RCC1: variants seen among roughly 807,000 people sequenced by gnomAD.
The protein encoded by RCC1 is regulator of chromosome condensation.
Under a neutral mutation model 44.4 loss-of-function variants are expected in RCC1, and 11 were observed. The ratio of observed to expected loss-of-function variants is 0.25; its 90% CI spans 0.16 to 0.41. The LOEUF (loss-of-function observed/expected upper bound fraction) is 0.41, where lower values mean the gene tolerates loss of function less well. Among genes scored for constraint, RCC1 ranks in the 10% least tolerant of loss-of-function variants. The probability of loss-of-function intolerance (pLI) is 1.00; values close to 1 mark genes in which losing one functional copy is unlikely to be tolerated. For synonymous variants in RCC1, 213 were observed against 216.5 expected, an observed-to-expected ratio of 0.98 and a Z score of 0.14; for missense variants, 386 against 547.1, an observed-to-expected ratio of 0.71 and a Z score of 2.94.
chr1:28,526,557 T>C (rs1557874756), intron 4 of RCC1: 2 of 575,532 alleles, frequency 3.5e-6, no homozygotes, highest in Non-Finnish European at 6.6e-6. Context: ...TTCCTTAGCT[T>C]TGTCACTAGA....
rs749233845 is a variant in RCC1, at chr1:28,536,341, C to T, written c.897C>T (p.Phe299=). The T allele has an allele frequency of 2.2e-5, 36 of 1,614,194 alleles. No individual in the cohort carries two copies. The highest frequency in any genetic ancestry group is 3.1e-5 in the Non-Finnish European group (36 of 1,180,020). The change falls in exon 11 of 13, where the codon TTC becomes TTT. Residue 299 remains phenylalanine (F), a synonymous_variant. Coordinates refer to ENST00000683442, the MANE Select transcript of RCC1 (RefSeq NM_001381865.2). The surrounding 1 kb of genome is among the most constrained non-coding windows in gnomAD (Gnocchi z 4.9). ...FKNSTKSWVG[F]SGGQHHTVCM... ...ATTCCACCAAGTCCTGGGTGGGCTT[C>T]TCTGGTGGCCAGCACCATACAGTCT...
intron 4 of RCC1, chr1:28,526,481 C>T: frequency 1.8e-6 from 1 of 562,966 alleles, no homozygotes; most frequent in Non-Finnish European, 3.4e-6. Flanking sequence ...GTGTATTTAT[C>T]CAGGCAAGAC....
intron 4 of RCC1, among the ~76,000 whole-genome samples, chr1:28,528,492 G>T (rs1441591221): frequency 5.9e-5 from 9 of 152,178 alleles, no homozygotes; most frequent in African/African-American, 2.2e-4. Context: ...GCAGGGCATG[G>T]TGATGCACAC....
intron 4 of RCC1, among the ~76,000 whole-genome samples, chr1:28,528,552 C>T (rs983222893): frequency 6.6e-6 from 1 of 152,084 alleles, no homozygotes; most frequent in African/African-American, 2.4e-5. Context: ...TGCTTCAACC[C>T]GGGAGGTGGA....
intron 4 of RCC1, among the ~76,000 whole-genome samples, chr1:28,527,957 C>T (rs1313562385): frequency 6.9e-6 from 1 of 144,554 alleles, no homozygotes; most frequent in South Asian, 2.2e-4. Flanking sequence ...TGTGGTGAGC[C>T]GAGATTGCGC....
chr1:28,513,882 G>A (rs1401047513), intron 3 of RCC1, among the ~76,000 whole-genome samples: 3 of 152,016 alleles, frequency 2.0e-5, no homozygotes, highest in Non-Finnish European at 4.4e-5. Flanking sequence ...ACCATGCCCA[G>A]CCATATTATA....
intron 5 of RCC1, among the ~76,000 whole-genome samples, chr1:28,531,586 C>G (rs1442324253): frequency 6.6e-6 from 1 of 152,086 alleles, no homozygotes; most frequent in South Asian, 2.1e-4. Context: ...TCCCCTTTCA[C>G]GTGAATAATG....
chr1:28,528,834 GT>G (rs1663881499), intron 4 of RCC1, among the ~76,000 whole-genome samples: 1 of 118,434 alleles, frequency 8.4e-6, no homozygotes, highest in African/African-American at 3.2e-5. Flanking sequence ...ATGATAGGCT[GT>G]TTTTCTTCCT....
chr1:28,528,023 A>AC (rs1663795565), intron 4 of RCC1, among the ~76,000 whole-genome samples: 1 of 150,436 alleles, frequency 6.6e-6, no homozygotes, highest in Admixed American at 6.6e-5. Flanking sequence ...AAAAAAAAAA[A>AC]AAAAACATGT....
intron 4 of RCC1, among the ~76,000 whole-genome samples, chr1:28,523,483 G>A (rs559080274): frequency 6.6e-6 from 1 of 152,054 alleles, no homozygotes; most frequent in Non-Finnish European, 1.5e-5. Context: ...GTAGTGAAAC[G>A]CTCCAGAATA....
In RCC1 at chr1:28,506,057, G is replaced by A; in HGVS notation, c.-289G>A. The A allele has an allele frequency of 2.2e-6, 1 of 456,068 alleles. No individual in the cohort carries two copies. The highest frequency in any genetic ancestry group is 1.5e-5 in the South Asian group (1 of 64,566). The allele number at this position is 456,068 out of a possible 1,614,324, so 28.3% of individuals were successfully genotyped here. On this transcript the variant is annotated 5_prime_UTR_variant, in exon 1 of 13. Coordinates refer to ENST00000683442, the MANE Select transcript of RCC1 (RefSeq NM_001381865.2). ...GTTTTCTCTCTCCTTTTTGGAGACA[G>A]ATTCGCAGTGGTCGCTTCTTCTCCT...
rs1664701108 is a variant in RCC1, at chr1:28,538,580, A to C, written c.*573A>C. 6.6e-6 allele frequency: 1 copy of C among 152,306 alleles called. No individual in the cohort carries two copies. Among genetic ancestry groups the C allele is most frequent in the South Asian group, 2.1e-4 (1 of 4,836 alleles). The allele number at this position is 152,306 out of a possible 1,614,324, so 9.4% of individuals were successfully genotyped here. A position where few individuals can be genotyped will look rare whatever the true frequency, so the allele number is the denominator to read the frequency against. The stretch of plus-strand genomic sequence containing the variant: ...ACAGGTGTCCATGGGACAAAAAAGA[A>C]CGATCCTCCACTTGACCAAGAAAAA... On this transcript the variant is annotated 3_prime_UTR_variant, in exon 13 of 13. Transcript: ENST00000683442.
chr1:28,531,796 C>G lies in RCC1; in HGVS notation c.74-7C>G. 6.6e-7 allele frequency: 1 copy of G among 1,519,442 alleles called. No individual in the cohort carries two copies. The highest frequency in any genetic ancestry group is 8.8e-7 in the Non-Finnish European group (1 of 1,136,770). The allele number at this position is 1,519,442 out of a possible 1,614,324, so 94.1% of individuals were successfully genotyped here. A position where few individuals can be genotyped will look rare whatever the true frequency, so the allele number is the denominator to read the frequency against. On this transcript the variant is annotated splice_polypyrimidine_tract_variant and splice_region_variant and intron_variant, in intron 5 of 12. Transcript: ENST00000683442. ...TACACTCAGGGTCTATCTTCTTCAC[C>G]CTTCAGTCTCACACAGGTCCCACAG...
At chr1:28,532,835 G>A (rs968826072) in intron 7 of RCC1, 2 of 420,720 alleles carry the variant, frequency 4.8e-6, no homozygotes, top group South Asian at 1.7e-5. Flanking sequence ...ATTGTTTTGA[G>A]ATGGAGTTTC....
In RCC1 at chr1:28,508,669, G is replaced by A. The variant is rs566089029; in HGVS notation, c.-228-161G>A. 3.0e-3 allele frequency: 1,542 copies of A among 512,716 alleles called. 26 individuals carry two copies. The highest frequency in any genetic ancestry group is 3.8e-3 in the Non-Finnish European group (974 of 255,734). The allele number at this position is 512,716 out of a possible 1,614,324, so 31.8% of individuals were successfully genotyped here. ...AGTCCCTTTCCACAACGTTGAAGAT[G>A]AAGCTGGGCCTCGTGTCTGCGCCTG... On this transcript the variant is annotated intron_variant, in intron 2 of 12. Coordinates refer to ENST00000683442, the MANE Select transcript of RCC1 (RefSeq NM_001381865.2).
At chr1:28,533,534 C>T (rs375270123) in intron 7 of RCC1, among the ~76,000 whole-genome samples, 4 of 150,358 alleles carry the variant, frequency 2.7e-5, no homozygotes, top group East Asian at 2.0e-4. Context: ...TTTGGGAGGC[C>T]GAAGCAGGCT....
rs181646537 is a variant in RCC1, at chr1:28,525,615, C to T, written c.-9-4243C>T. Among the ~76,000 whole-genome samples the T allele has an allele frequency of 6.7e-3, 1,022 of 152,296 alleles. 2 individuals are homozygous for T. The highest frequency in any genetic ancestry group is 0.01 in the Non-Finnish European group (693 of 68,032). ...CTCAAAAGACAGGTGGGAGGATTCT[C>T]AGCCCTGGGAGAATAAAAGTTGGGT... On this transcript the variant is annotated intron_variant, in intron 4 of 12. Transcript: ENST00000683442.
At position 28,536,956 on chromosome 1, in the gene RCC1, C is replaced by A; in HGVS notation, c.1090+57C>A. 6.3e-7 allele frequency: 1 copy of A among 1,585,424 alleles called. No individual in the cohort carries two copies. On this transcript the variant is annotated intron_variant, in intron 12 of 12. Coordinates refer to ENST00000683442, the MANE Select transcript of RCC1 (RefSeq NM_001381865.2). The surrounding 1 kb of genome is among the most constrained non-coding windows in gnomAD (Gnocchi z 4.9). The stretch of plus-strand genomic sequence containing the variant: ...GGGACCTGGGGGTCATGGTTCTTAC[C>A]CAATTCCCCAATAGGCTGTGATGTC...
rs754247699 is a variant in RCC1, at chr1:28,536,019, T to C, written c.810T>C (p.His270=). ...HVYGFGLSNY[H]QLGTPGTESC... is the part of the protein sequence containing the mutation. ...ACGGCTTCGGCCTCTCCAACTACCA[T>C]CAGCTTGGTGAGCCCCGAGCCCAGC... Residue 270 remains histidine, a synonymous_variant, in exon 10 of 13, where the codon CAT becomes CAC. Transcript: ENST00000683442. This position sits in a 1 kb window ranked among gnomAD's most constrained non-coding sequence, Gnocchi z 4.9. The C allele has an allele frequency of 6.2e-7, 1 of 1,608,238 alleles. No homozygotes were observed. Among genetic ancestry groups the C allele is most frequent in the Admixed American group, 1.7e-5 (1 of 59,202 alleles).
Sources: allele counts gnomAD v4.1 joint callset (sites outside exome capture counted in the v4.1 genomes callset), GRCh38; gene constraint gnomAD v4.1.1; non-coding constraint Gnocchi (gnomAD v3.1); transcripts MANE v1.5; gene names NCBI Gene and HGNC (gene_info 2026-07-23, HGNC 2026-07-21).